Variants in CMSS1 observed in about 807,000 individuals in gnomAD.
The protein encoded by CMSS1 is cms1 ribosomal small subunit homolog.
In CMSS1, 33 loss-of-function variants were observed where a neutral mutation model predicts 43.5. The ratio of observed to expected loss-of-function variants is 0.76; its 90% CI spans 0.57 to 1.01. The LOEUF is 1.01. Ranked by LOEUF, CMSS1 falls within the 50% of genes least tolerant of loss-of-function variation. CMSS1 has a pLI of 0.00. For missense variants in CMSS1, 313 were observed against 326.4 expected, an observed-to-expected ratio of 0.96 and a Z score of 0.32; for synonymous variants, 115 against 117.2, an observed-to-expected ratio of 0.98 and a Z score of 0.12.
rs866193902 is a variant in CMSS1, at chr3:99,983,494, A to G, written c.65-163479A>G. 3.0e-3 allele frequency among the ~76,000 whole-genome samples: 359 copies of G among 118,978 alleles called. 15 individuals are homozygous for G. The highest frequency in any genetic ancestry group is 9.3e-3 in the African/African-American group (282 of 30,312). 78.1% of individuals were successfully genotyped at this position (118,978 alleles called of 152,430 possible). A position where few individuals can be genotyped will look rare whatever the true frequency, so the allele number is the denominator to read the frequency against. On this transcript the variant is annotated intron_variant, in intron 1 of 9. Transcript: ENST00000421999. ...TATATATATATATATATATATATATATATATATATATATATGTATATATAT... is the reference window on the plus strand; with the variant it reads ...TATATATATATATATATATATATATGTATATATATATATATGTATATATAT...
intron 1 of CMSS1, among the ~76,000 whole-genome samples, chr3:99,868,560 TAAG>T (rs1304039605): frequency 6.6e-6 from 1 of 152,208 alleles, no homozygotes; most frequent in Non-Finnish European, 1.5e-5. Flanking sequence ...AGCTTCAGGT[TAAG>T]AAGTGATGTT....
At chr3:100,156,274 G>A (rs1481503200) in intron 2 of CMSS1, among the ~76,000 whole-genome samples, 7 of 141,482 alleles carry the variant, frequency 4.9e-5, no homozygotes, top group Non-Finnish European at 9.1e-5. Flanking sequence ...ACAGGTATGC[G>A]CCACCACACT....
At chr3:99,829,434 A>T (rs759405028) in intron 1 of CMSS1, among the ~76,000 whole-genome samples, 2 of 152,158 alleles carry the variant, frequency 1.3e-5, no homozygotes, top group Non-Finnish European at 2.9e-5. Context: ...ACCCTTATAG[A>T]TGACTGTTTG....
chr3:100,056,993 G>A (rs548916271), intron 1 of CMSS1, among the ~76,000 whole-genome samples: 1 of 152,076 alleles, frequency 6.6e-6, no homozygotes, highest in East Asian at 1.9e-4. Context: ...AACAGAGCGA[G>A]ACTCTGTCTC....
intron 8 of CMSS1, among the ~76,000 whole-genome samples, chr3:100,173,061 G>C (rs1013910728): frequency 1.3e-5 from 2 of 151,902 alleles, no homozygotes; most frequent in African/African-American, 4.8e-5. Flanking sequence ...TTAAATAACT[G>C]TCTGGAGCTA....
At chr3:99,989,494 C>G (rs1709449125) in intron 1 of CMSS1, among the ~76,000 whole-genome samples, 1 of 152,158 alleles carries the variant, frequency 6.6e-6, no homozygotes, top group Non-Finnish European at 1.5e-5. Flanking sequence ...TGACTCCAAC[C>G]CTTGACTCCA....
chr3:99,825,017 G>GT (rs1942511016), intron 1 of CMSS1, among the ~76,000 whole-genome samples: 1 of 152,076 alleles, frequency 6.6e-6, no homozygotes, highest in African/African-American at 2.4e-5. Context: ...AAGTACCCAG[G>GT]TTTTTTTGTT....
At chr3:99,945,636 C>A (rs999502506) in intron 1 of CMSS1, among the ~76,000 whole-genome samples, 1 of 152,194 alleles carries the variant, frequency 6.6e-6, no homozygotes, top group Non-Finnish European at 1.5e-5. Flanking sequence ...AAACTAAGCT[C>A]TTTGTGTTCC....
At chr3:99,962,643 A>G (rs1708528552) in intron 1 of CMSS1, among the ~76,000 whole-genome samples, 1 of 152,216 alleles carries the variant, frequency 6.6e-6, no homozygotes, top group African/African-American at 2.4e-5. Flanking sequence ...AACAACAGCA[A>G]CAAACACATA....
At chr3:100,062,404 C>G (rs914911293) in intron 1 of CMSS1, among the ~76,000 whole-genome samples, 3 of 152,100 alleles carry the variant, frequency 2.0e-5, no homozygotes, top group African/African-American at 7.2e-5. Flanking sequence ...AGCCACCGCG[C>G]CCGGTCTATC....
chr3:100,037,507 A>G (rs2065128863), intron 1 of CMSS1, among the ~76,000 whole-genome samples: 1 of 152,208 alleles, frequency 6.6e-6, no homozygotes. Context: ...CCAGCGCAAC[A>G]TATAGAAATC....
At chr3:99,891,422 T>C (rs1706079423) in intron 1 of CMSS1, among the ~76,000 whole-genome samples, 1 of 152,250 alleles carries the variant, frequency 6.6e-6, no homozygotes, top group Non-Finnish European at 1.5e-5. Flanking sequence ...AAACCAGCTT[T>C]TGTGCTTTGC....
At chr3:99,897,519 A>T (rs1358862694) in intron 1 of CMSS1, among the ~76,000 whole-genome samples, 1 of 152,164 alleles carries the variant, frequency 6.6e-6, no homozygotes, top group Non-Finnish European at 1.5e-5. Flanking sequence ...AATTTTCTTT[A>T]CTAGTTATTT....
At chr3:100,156,797 A>G (rs2107523521) in intron 2 of CMSS1, among the ~76,000 whole-genome samples, 1 of 150,550 alleles carries the variant, frequency 6.6e-6, no homozygotes, top group Non-Finnish European at 1.5e-5. Flanking sequence ...TTGTATTTTT[A>G]GTAGAGATGG....
chr3:100,112,851 C>T (rs748575867), intron 1 of CMSS1, among the ~76,000 whole-genome samples: 1 of 152,146 alleles, frequency 6.6e-6, no homozygotes, highest in Non-Finnish European at 1.5e-5. Flanking sequence ...ATGAGAGTTT[C>T]ATAATAGTGT....
intron 1 of CMSS1, among the ~76,000 whole-genome samples, chr3:100,121,443 G>T (rs1258099719): frequency 6.6e-6 from 1 of 152,050 alleles, no homozygotes; most frequent in Non-Finnish European, 1.5e-5. Context: ...TGGCTGCATA[G>T]TATTCCATGG....
At chr3:100,151,595 A>G (rs1433403770) in intron 2 of CMSS1, among the ~76,000 whole-genome samples, 1 of 152,198 alleles carries the variant, frequency 6.6e-6, no homozygotes, top group African/African-American at 2.4e-5. Flanking sequence ...TTTATAGTTT[A>G]TTCTCAGAGT....
At chr3:99,892,650 G>C (rs182357987) in intron 1 of CMSS1, among the ~76,000 whole-genome samples, 2 of 152,274 alleles carry the variant, frequency 1.3e-5, no homozygotes, top group East Asian at 3.9e-4. Flanking sequence ...AGGTGGAGAA[G>C]GTGCCATCTC....
chr3:100,082,116 T>G (rs576163430), intron 1 of CMSS1, among the ~76,000 whole-genome samples: 2 of 152,272 alleles, frequency 1.3e-5, no homozygotes, highest in South Asian at 4.1e-4. Context: ...TTCAGTTCAG[T>G]CTTTAAAATG....
Sources: gnomAD v4.1 joint callset for allele counts (sites outside exome capture counted in the v4.1 genomes callset) on GRCh38, gnomAD v4.1.1 for gene constraint, MANE v1.5 for transcripts, NCBI Gene and HGNC (gene_info 2026-07-23, HGNC 2026-07-21) for gene names.